Variants in ADAP1 observed in about 807,000 individuals in gnomAD.
ADAP1 encodes arf-GAP with dual PH domain-containing protein 1.
ADAP1 carries 31 observed loss-of-function variants against 54.9 expected under a neutral mutation model. That is an observed-to-expected ratio of 0.56 (90% CI 0.42 to 0.76). The LOEUF (loss-of-function observed/expected upper bound fraction) is 0.76. Among genes scored for constraint, ADAP1 ranks in the 30% least tolerant of loss-of-function variants. The pLI is 0.00. For missense variants in ADAP1, 535 were observed against 512.4 expected (o/e 1.04, Z -0.42); for synonymous variants, 313 against 202.6 (o/e 1.55, Z -4.63).
intron 3 of ADAP1, among the ~76,000 whole-genome samples, chr7:921,770 C>T (rs983128601): frequency 1.3e-5 from 2 of 152,226 alleles, no homozygotes; most frequent in African/African-American, 2.4e-5. Context: ...CAGGGTCACA[C>T]AGCGGCCTCT....
chr7:920,106 ACGC>A lies in ADAP1; in HGVS notation c.306-59_306-57del. On this transcript the variant is annotated intron_variant, in intron 3 of 10. Coordinates refer to ENST00000265846, the MANE Select transcript of ADAP1 (RefSeq NM_006869.4). This position sits in a 1 kb window ranked among gnomAD's most constrained non-coding sequence, Gnocchi z 4.5. ...GCCAAGGCGGCCTCCGACCCAGCAC[ACGC>A]CGCTCTCTGGCCCGGACCCTGGACA... 6.5e-7 allele frequency: 1 copy of A among 1,530,970 alleles called. No homozygotes were observed. Among genetic ancestry groups the A allele is most frequent in the Non-Finnish European group, 8.9e-7 (1 of 1,123,086 alleles). 94.8% of individuals were successfully genotyped at this position (1,530,970 alleles called of 1,614,324 possible).
chr7:900,680 G>A (rs1844755338), intron 6 of ADAP1, 64 bp from the exon 7 acceptor site: 3 of 1,430,410 alleles, frequency 2.1e-6, no homozygotes, highest in South Asian at 2.4e-5. Context: ...CCCCACAGAG[G>A]GGCTGGGGTC....
chr7:955,383 C>T (rs1251615790), upstream of ADAP1: 4 of 1,550,234 alleles, frequency 2.6e-6, no homozygotes, highest in South Asian at 3.6e-5. Flanking sequence ...ATGCAGTACA[C>T]CCGGCTGAAA....
At chr7:925,946 G>A (rs1304969956) in intron 3 of ADAP1, among the ~76,000 whole-genome samples, 2 of 152,192 alleles carry the variant, frequency 1.3e-5, no homozygotes, top group East Asian at 1.9e-4. Context: ...TGACAGGTAC[G>A]AGGGGGTCGG....
chr7:945,766 T>G lies in ADAP1; in HGVS notation c.82+8630A>C, dbSNP rs975794360. The stretch of plus-strand genomic sequence containing the variant: ...CCCAGCCCCGCTCTGCCCTACCTGC[T>G]CCCAGGACGCCCGAGGTGACTCAGC... On this transcript the variant is annotated intron_variant, in intron 1 of 10. Transcript: ENST00000265846. The surrounding 1 kb of genome is among the most constrained non-coding windows in gnomAD (Gnocchi z 4.2). 3 of 985,622 alleles carry G rather than the reference T, an allele frequency of 3.0e-6. No individual in the cohort carries two copies. The African/African-American group carries it at 5.2e-5, about 17-fold the overall frequency. The allele number at this position is 985,622 out of a possible 1,614,324, so 61.1% of individuals were successfully genotyped here. A position where few individuals can be genotyped will look rare whatever the true frequency, so the allele number is the denominator to read the frequency against.
At position 905,168 on chromosome 7, in the gene ADAP1, G is replaced by A; in HGVS notation, c.393C>T (p.Tyr131=). The change falls in exon 5 of 11, where the codon TAC becomes TAT. Residue 131 remains tyrosine, a synonymous_variant. Transcript: ENST00000265846. ...PEKQEPYSAG[Y]REGFLWKRGR... ...CACGCTTCCAGAGAAAACCCTCACG[G>A]TACCCTGTGGGGGAAAGGGGACACG... The A allele has an allele frequency of 6.2e-7, 1 of 1,611,468 alleles. No homozygotes were observed. The highest frequency in any genetic ancestry group is 8.5e-7 in the Non-Finnish European group (1 of 1,179,780).
At chr7:899,008 G>A (rs751679477) in intron 10 of ADAP1, 25 bp downstream of exon 10, 4 of 1,609,278 alleles carry the variant, frequency 2.5e-6, no homozygotes, top group South Asian at 1.1e-5. Flanking sequence ...GCCCTTCCAG[G>A]CCGCCGGCCG....
intron 6 of ADAP1, among the ~76,000 whole-genome samples, chr7:901,667 C>T (rs976765594): frequency 1.3e-5 from 2 of 150,952 alleles, no homozygotes; most frequent in African/African-American, 4.9e-5. Flanking sequence ...TCATCGGCCT[C>T]CAGCCCTGCT....
At chr7:928,642 A>C (rs1005638733) in intron 2 of ADAP1, among the ~76,000 whole-genome samples, 3 of 152,222 alleles carry the variant, frequency 2.0e-5, no homozygotes, top group Admixed American at 2.0e-4. Context: ...GGGAACGCAG[A>C]TGAAAACCTC....
chr7:898,840 G>A lies in ADAP1; in HGVS notation c.*81C>T. On this transcript the variant is annotated 3_prime_UTR_variant, in exon 11 of 11. Coordinates refer to ENST00000265846, the MANE Select transcript of ADAP1 (RefSeq NM_006869.4). Reference sequence around the variant, plus strand: ...AGCAGGTGGGGCCAGGTGGCCTCAGGACGCCAGAGCCCCCCCATCCACGGG... The same window carrying A: ...AGCAGGTGGGGCCAGGTGGCCTCAGAACGCCAGAGCCCCCCCATCCACGGG... 1 of 1,540,704 alleles carries A rather than the reference G, an allele frequency of 6.5e-7. No homozygotes were observed. Among genetic ancestry groups the A allele is most frequent in the Non-Finnish European group, 8.7e-7 (1 of 1,144,022 alleles).
Position 918,636 on chromosome 7 carries a change from C to T in ADAP1, c.388+1332G>A, listed in dbSNP as rs943196661. 5.3e-5 allele frequency among the ~76,000 whole-genome samples: 8 copies of T among 152,190 alleles called. No homozygotes were observed. The South Asian group carries it at 8.3e-4, about 16-fold the overall frequency. On this transcript the variant is annotated intron_variant, in intron 4 of 10. Coordinates refer to ENST00000265846, the MANE Select transcript of ADAP1 (RefSeq NM_006869.4). ...GCCATGCCCAGCAGCACCAAACATC[C>T]CCATCCAGCCTTTGGACCCCGCCCT...
rs1478633715 is a variant in ADAP1 at position 898,199 on chromosome 7, C to CA, written c.*721dup. 1.3e-5 allele frequency: 2 copies of CA among 152,884 alleles called. No homozygotes were observed. The highest frequency in any genetic ancestry group is 2.4e-5 in the African/African-American group (1 of 41,476). The allele number at this position is 152,884 out of a possible 1,614,324, so 9.5% of individuals were successfully genotyped here. ...CAAGCGCGACAGTGCCCGGGACCCC[C>CA]AGGGCCACTCCTGCCTCTGGTGGCC... On this transcript the variant is annotated 3_prime_UTR_variant, in exon 11 of 11. Transcript: ENST00000265846.
chr7:919,418 C>T (rs1400850778), intron 4 of ADAP1, among the ~76,000 whole-genome samples: 2 of 151,988 alleles, frequency 1.3e-5, no homozygotes, highest in Non-Finnish European at 2.9e-5. Flanking sequence ...CTGTGGCGAC[C>T]CCAAGCCCTC....
chr7:898,648 AG>A lies in ADAP1; in HGVS notation c.*272del. The stretch of plus-strand genomic sequence containing the variant: ...GGAGCCAGACTGGGCCCTGGAGGAA[AG>A]GGGGCCCCGGGTCAGGGAGGGGCAG... On this transcript the variant is annotated 3_prime_UTR_variant, in exon 11 of 11. Transcript: ENST00000265846. 1 of 519,508 alleles carries A rather than the reference AG, an allele frequency of 1.9e-6. No individual in the cohort carries two copies. Among genetic ancestry groups the A allele is most frequent in the South Asian group, 2.1e-5 (1 of 48,304 alleles). 32.2% of individuals were successfully genotyped at this position (519,508 alleles called of 1,614,324 possible).
At chr7:911,359 G>T (rs964739657) in intron 4 of ADAP1, among the ~76,000 whole-genome samples, 4 of 152,138 alleles carry the variant, frequency 2.6e-5, no homozygotes, top group Admixed American at 2.6e-4. Context: ...CCAGAGTGAC[G>T]TGTGGATGCC....
At chr7:906,587 G>GAGAAAGGAGAAGGA (rs1845377145) in intron 4 of ADAP1, among the ~76,000 whole-genome samples, 2 of 31,270 alleles carry the variant, frequency 6.4e-5, no homozygotes, top group Non-Finnish European at 6.5e-5. Context: ...AAGGAGAAAG[G>GAGAAAGGAGAAGGA]AGAAAGGAGA....
Position 933,250 on chromosome 7 carries a change from G to A in ADAP1, c.213+2125C>T, listed in dbSNP as rs1295443248. ...CATGCTACTGCACTCCAGCCTGGGC[G>A]ACGAAGCCAGACTCCGTCTCAAAAA... On this transcript the variant is annotated intron_variant, in intron 2 of 10. Coordinates refer to ENST00000265846, the MANE Select transcript of ADAP1 (RefSeq NM_006869.4). Among the ~76,000 whole-genome samples, 5 of 151,174 alleles carry A rather than the reference G, an allele frequency of 3.3e-5. No individual in the cohort carries two copies. The South Asian group carries it at 8.4e-4, about 25-fold the overall frequency.
intron 4 of ADAP1, 142 bp from the exon 5 acceptor site, chr7:905,314 G>GACGGGGAGAGGGGACACGGGT (rs1845081547): frequency 4.6e-6 from 2 of 433,460 alleles, no homozygotes; most frequent in East Asian, 3.9e-5. Context: ...GAGACGGACG[G>GACGGGGAGAGGGGACACGGGT]GGAGAGGGGA....
intron 3 of ADAP1, among the ~76,000 whole-genome samples, chr7:925,096 C>T (rs1846336791): frequency 6.6e-6 from 1 of 152,054 alleles, no homozygotes; most frequent in Non-Finnish European, 1.5e-5. Context: ...GGACCTGTCT[C>T]CAGGCTCACG....
Sources: gnomAD v4.1 joint callset for allele counts (sites outside exome capture counted in the v4.1 genomes callset) on GRCh38, gnomAD v4.1.1 for gene constraint, Gnocchi (gnomAD v3.1) non-coding constraint, MANE v1.5 for transcripts, NCBI Gene and HGNC (gene_info 2026-07-23, HGNC 2026-07-21) for gene names.